The following GLRB variants were observed in gnomAD, a reference collection of about 807,000 sequenced individuals.
GLRB encodes glycine receptor beta, also known as glycine receptor subunit beta.
Under a neutral mutation model 54.2 loss-of-function variants are expected in GLRB, and 33 were observed. The observed-to-expected ratio is 0.61, with a 90% CI of 0.46 to 0.81. GLRB has a LOEUF of 0.81. GLRB is among the 40% of genes least tolerant of loss of function. GLRB has a pLI of 0.00. For missense variants in GLRB, 572 were observed against 584.6 expected (o/e 0.98, Z 0.22); for synonymous variants, 209 against 208.2 (o/e 1.00, Z -0.03).
intron 7 of GLRB, among the ~76,000 whole-genome samples, chr4:157,139,376 T>C (rs1236533226): frequency 1.3e-5 from 2 of 152,088 alleles, no homozygotes; most frequent in Admixed American, 1.3e-4. Flanking sequence ...TTCTTAATTT[T>C]AAAAAGCATT....
intron 2 of GLRB, among the ~76,000 whole-genome samples, chr4:157,092,945 G>A (rs1734671838): frequency 6.6e-6 from 1 of 152,110 alleles, no homozygotes; most frequent in Non-Finnish European, 1.5e-5. Context: ...CCTACCGCTA[G>A]CTAGTGGCAG....
chr4:157,090,100 T>A (rs1185505004), intron 2 of GLRB, among the ~76,000 whole-genome samples: 1 of 152,200 alleles, frequency 6.6e-6, no homozygotes, highest in Admixed American at 6.6e-5. Context: ...CTGTCCTCTC[T>A]ACTTTGCTCA....
chr4:157,081,108 C>G (rs1734206044), intron 2 of GLRB, among the ~76,000 whole-genome samples: 1 of 152,086 alleles, frequency 6.6e-6, no homozygotes, highest in Admixed American at 6.6e-5. Context: ...GACAAAGTAT[C>G]TGATAAATTT....
intron 4 of GLRB, among the ~76,000 whole-genome samples, chr4:157,132,264 A>C (rs1736243561): frequency 6.6e-6 from 1 of 151,452 alleles, no homozygotes; most frequent in South Asian, 2.1e-4. Context: ...TTGTTTTCTG[A>C]TGGTTGAGTT....
intron 9 of GLRB, among the ~76,000 whole-genome samples, chr4:157,157,857 T>G (rs1270438216): frequency 6.6e-6 from 1 of 152,216 alleles, no homozygotes; most frequent in Non-Finnish European, 1.5e-5. Flanking sequence ...ATATGCCCAG[T>G]AATGAGATGG....
chr4:157,145,569 A>T (rs1736776491), intron 8 of GLRB, among the ~76,000 whole-genome samples: 1 of 152,190 alleles, frequency 6.6e-6, no homozygotes, highest in South Asian at 2.1e-4. Flanking sequence ...AGGTACTATT[A>T]AAAAAGATGG....
Position 157,170,596 on chromosome 4 carries a change from GAAC to G in GLRB, c.1368_1370del (p.Asn456del), listed in dbSNP as rs373895476. ...ACGGACTTGGGAAATCTCAGGCTAA[GAAC>G]AACAAGAAGCCTCCCCCTGCGAAAC... On this transcript the variant is annotated inframe_deletion, in exon 10 of 10. Coordinates refer to ENST00000264428, the MANE Select transcript of GLRB (RefSeq NM_000824.5). The G allele has an allele frequency of 3.9e-4, 635 of 1,613,484 alleles. No individual in the cohort carries two copies. Among genetic ancestry groups the G allele is most frequent in the Non-Finnish European group, 5.0e-4 (584 of 1,179,548 alleles).
At chr4:157,110,044 C>T (rs1016985452) in intron 2 of GLRB, among the ~76,000 whole-genome samples, 2 of 151,924 alleles carry the variant, frequency 1.3e-5, no homozygotes, top group Non-Finnish European at 2.9e-5. Flanking sequence ...GTGATCAACT[C>T]AACCTTCAAC....
At chr4:157,078,502 A>C (rs183670763) in intron 2 of GLRB, among the ~76,000 whole-genome samples, 1 of 151,746 alleles carries the variant, frequency 6.6e-6, no homozygotes, top group Admixed American at 6.6e-5. Context: ...CCAGTTCAAA[A>C]AGTTTTTTTT....
Position 157,120,641 on chromosome 4 carries a change from A to G in GLRB, c.208A>G (p.Arg70Gly). The stretch of plus-strand genomic sequence containing the variant: ...CAGGTTATTGGTCAGTTATGATCCC[A>G]GGATAAGACCAAACTTCAAAGGTTT... Reference protein sequence around the residue: ...LNRLLVSYDPRIRPNFKGIPV... With the variant: ...LNRLLVSYDPGIRPNFKGIPV... Residue 70 changes from arginine to glycine, a missense_variant, in exon 3 of 10, where the codon AGG (arginine) becomes GGG (glycine). Transcript: ENST00000264428. 1 of 1,573,826 alleles carries G rather than the reference A, an allele frequency of 6.4e-7. No individual in the cohort carries two copies. Among genetic ancestry groups the G allele is most frequent in the Non-Finnish European group, 8.7e-7 (1 of 1,146,058 alleles).
At chr4:157,154,488 C>T (rs1249333311) in intron 9 of GLRB, among the ~76,000 whole-genome samples, 1 of 129,404 alleles carries the variant, frequency 7.7e-6, no homozygotes, top group Non-Finnish European at 1.5e-5. Context: ...AGTGCAATGG[C>T]GTGATCTCGG....
chr4:157,144,579 A>G (rs1736740325), intron 8 of GLRB, among the ~76,000 whole-genome samples: 1 of 152,204 alleles, frequency 6.6e-6, no homozygotes, highest in Admixed American at 6.5e-5. Flanking sequence ...CGCCCTTCCT[A>G]TGGATAAATT....
chr4:157,121,521 T>C (rs1246100523), intron 3 of GLRB, among the ~76,000 whole-genome samples: 1 of 151,392 alleles, frequency 6.6e-6, no homozygotes, highest in African/African-American at 2.4e-5. Context: ...CAACTGAAGT[T>C]ATACAACTAT....
rs1050936071 is a variant in GLRB, at chr4:157,115,255, T to G, written c.123-5301T>G. 1.9e-3 allele frequency among the ~76,000 whole-genome samples: 285 copies of G among 150,904 alleles called. 1 individual carries two copies. Among genetic ancestry groups the G allele is most frequent in the African/African-American group, 6.7e-3 (274 of 41,202 alleles). On this transcript the variant is annotated intron_variant, in intron 2 of 9. Transcript: ENST00000264428. ...TTGACATATTTCCATTATGGTGTTT[T>G]TTTTTTTTTTTTTTCCTGAACACTT...
At chr4:157,109,743 T>C (rs1460061721) in intron 2 of GLRB, among the ~76,000 whole-genome samples, 1 of 151,970 alleles carries the variant, frequency 6.6e-6, no homozygotes, top group African/African-American at 2.4e-5. Flanking sequence ...TTGGGTTTGA[T>C]TAATATGCTA....
chr4:157,116,357 G>T (rs1051934479), intron 2 of GLRB, among the ~76,000 whole-genome samples: 1 of 151,676 alleles, frequency 6.6e-6, no homozygotes, highest in African/African-American at 2.4e-5. Context: ...AATAAATCCT[G>T]CTTTTTAATA....
intron 8 of GLRB, among the ~76,000 whole-genome samples, chr4:157,147,610 G>A (rs1736861675): frequency 6.6e-6 from 1 of 152,194 alleles, no homozygotes; most frequent in Non-Finnish European, 1.5e-5. Flanking sequence ...TTCATAGTAT[G>A]TTTAGTTTGT....
intron 8 of GLRB, among the ~76,000 whole-genome samples, chr4:157,146,801 A>G (rs1736829388): frequency 1.3e-5 from 2 of 152,032 alleles, no homozygotes; most frequent in Admixed American, 1.3e-4. Flanking sequence ...AGCCTGGGCA[A>G]CAGAGTGAGA....
intron 4 of GLRB, among the ~76,000 whole-genome samples, chr4:157,128,806 A>G (rs896605835): frequency 6.6e-6 from 1 of 151,840 alleles, no homozygotes; most frequent in African/African-American, 2.4e-5. Flanking sequence ...CAATTCTTAT[A>G]TGGAATTTTA....
Sources: allele counts gnomAD v4.1 joint callset (sites outside exome capture counted in the v4.1 genomes callset), GRCh38; gene constraint gnomAD v4.1.1; transcripts MANE v1.5; gene names NCBI Gene and HGNC (gene_info 2026-07-23, HGNC 2026-07-21).